The following BTRC variants were observed in gnomAD, a reference collection of about 807,000 sequenced individuals.
BTRC encodes the protein F-box/WD repeat-containing protein 1A.
Under a neutral mutation model 85.5 loss-of-function variants are expected in BTRC, and 42 were observed. The ratio of observed to expected loss-of-function variants is 0.49; its 90% CI spans 0.38 to 0.64. The LOEUF is 0.64. Among genes scored for constraint, BTRC ranks in the 30% least tolerant of loss-of-function variants. The pLI, the probability that BTRC is intolerant of heterozygous loss-of-function variation, is 0.00. For missense variants in BTRC, 594 were observed against 743.5 expected, an observed-to-expected ratio of 0.80 and a Z score of 2.34; for synonymous variants, 255 against 263.3, an observed-to-expected ratio of 0.97 and a Z score of 0.30.
chr10:101,375,271 C>G (rs920053838), intron 1 of BTRC, among the ~76,000 whole-genome samples: 2 of 151,968 alleles, frequency 1.3e-5, no homozygotes, highest in African/African-American at 2.4e-5. Flanking sequence ...TCTCTGCCCC[C>G]CTCTCTTCCC....
chr10:101,505,640 AT>A lies in BTRC; in HGVS notation c.325-15998del, dbSNP rs1258288772. Among the ~76,000 whole-genome samples the A allele has an allele frequency of 1.1e-3, 85 of 75,340 alleles. 1 individual carries two copies. Among genetic ancestry groups the A allele is most frequent in the South Asian group, 6.0e-3 (17 of 2,820 alleles). The allele number at this position is 75,340 out of a possible 152,430, so 49.4% of individuals were successfully genotyped here. A position where few individuals can be genotyped will look rare whatever the true frequency, so the allele number is the denominator to read the frequency against. ...GTCTCAAAAAAATAAAAAAAAAAAA[AT>A]AATAATAAAAAAACAAATATACCCA... is the stretch of plus-strand genomic sequence containing the variant. On this transcript the variant is annotated intron_variant, in intron 4 of 14. Transcript: ENST00000370187.
intron 4 of BTRC, among the ~76,000 whole-genome samples, chr10:101,498,639 T>A (rs1234349937): frequency 1.3e-5 from 2 of 152,176 alleles, no homozygotes; most frequent in Non-Finnish European, 2.9e-5. Context: ...GTTTTAAAGT[T>A]TAGTGGGCAC....
chr10:101,448,727 T>C (rs1188439291), intron 2 of BTRC, among the ~76,000 whole-genome samples: 3 of 152,034 alleles, frequency 2.0e-5, no homozygotes, highest in African/African-American at 7.2e-5. Flanking sequence ...AAGTTACAGA[T>C]TAAACTCAAG....
At chr10:101,355,128 A>T (rs561600702) in intron 1 of BTRC, among the ~76,000 whole-genome samples, 1 of 152,350 alleles carries the variant, frequency 6.6e-6, no homozygotes, top group African/African-American at 2.4e-5. Context: ...AAATTGTGGG[A>T]CGGTAAAATG....
At chr10:101,454,077 T>C (rs1589488459) in intron 2 of BTRC, among the ~76,000 whole-genome samples, 1 of 152,232 alleles carries the variant, frequency 6.6e-6, no homozygotes, top group Non-Finnish European at 1.5e-5. Flanking sequence ...AGGACTGCAG[T>C]TGGGCTGCCA....
chr10:101,427,845 A>G (rs1944301389), intron 1 of BTRC, among the ~76,000 whole-genome samples: 1 of 152,158 alleles, frequency 6.6e-6, no homozygotes, highest in African/African-American at 2.4e-5. Context: ...AGTGTCTACT[A>G]CCAGAACAGC....
intron 1 of BTRC, among the ~76,000 whole-genome samples, chr10:101,418,912 T>C (rs931285777): frequency 4.6e-5 from 7 of 152,148 alleles, no homozygotes; most frequent in Non-Finnish European, 2.9e-5. Context: ...GTTGTTTTCA[T>C]ATACATATTC....
chr10:101,357,121 T>TC (rs760377787), intron 1 of BTRC, among the ~76,000 whole-genome samples: 2 of 148,082 alleles, frequency 1.4e-5, no homozygotes, highest in Non-Finnish European at 3.0e-5. Context: ...AGAGCAAGAC[T>TC]CCGTCTCAAA....
chr10:101,474,683 T>C (rs1224164578), intron 3 of BTRC, among the ~76,000 whole-genome samples: 1 of 152,234 alleles, frequency 6.6e-6, no homozygotes, highest in Non-Finnish European at 1.5e-5. Flanking sequence ...TCACTTGATA[T>C]CTCAAGCCAA....
At chr10:101,398,059 T>G (rs1157881829) in intron 1 of BTRC, among the ~76,000 whole-genome samples, 1 of 152,210 alleles carries the variant, frequency 6.6e-6, no homozygotes, top group Non-Finnish European at 1.5e-5. Flanking sequence ...GTTCAGCAGC[T>G]GGCTGCTTGC....
chr10:101,532,009 C>T (rs1047955909), intron 7 of BTRC, among the ~76,000 whole-genome samples: 1 of 152,156 alleles, frequency 6.6e-6, no homozygotes, highest in African/African-American at 2.4e-5. Flanking sequence ...TCACGTAGTT[C>T]GTAGCTTTTC....
At position 101,431,070 on chromosome 10, in the gene BTRC, C is replaced by CTTTTTTTTT. The variant is rs748703752; in HGVS notation, c.156+634_156+642dup. Among the ~76,000 whole-genome samples the CTTTTTTTTT allele has an allele frequency of 6.3e-4, 45 of 71,288 alleles. 2 individuals are homozygous for CTTTTTTTTT. The highest frequency in any genetic ancestry group is 2.2e-3 in the African/African-American group (38 of 17,466). 46.8% of individuals were successfully genotyped at this position (71,288 alleles called of 152,430 possible). Reference sequence around the variant, plus strand: ...CAGATTCCAGTTCCCCTCAGCCTTTCTTTTTTTTTTTTTTTTTTTTTTTTG... The same window carrying CTTTTTTTTT: ...CAGATTCCAGTTCCCCTCAGCCTTTCTTTTTTTTTTTTTTTTTTTTTTTTTTTTTTTTTG... On this transcript the variant is annotated intron_variant, in intron 2 of 14. Coordinates refer to ENST00000370187, the MANE Select transcript of BTRC (RefSeq NM_033637.4).
chr10:101,438,495 G>A (rs1386774831), intron 2 of BTRC, among the ~76,000 whole-genome samples: 1 of 135,962 alleles, frequency 7.4e-6, no homozygotes, highest in African/African-American at 2.8e-5. Context: ...ATGTTTTTAT[G>A]TCTCACACAT....
intron 3 of BTRC, among the ~76,000 whole-genome samples, chr10:101,465,500 C>CA (rs1385604068): frequency 6.6e-6 from 1 of 152,112 alleles, no homozygotes; most frequent in African/African-American, 2.4e-5. Context: ...CAGGGTGAAG[C>CA]AAAATTTGAA....
At chr10:101,458,930 A>G (rs1945149608) in intron 2 of BTRC, among the ~76,000 whole-genome samples, 2 of 152,152 alleles carry the variant, frequency 1.3e-5, no homozygotes, top group Non-Finnish European at 2.9e-5. Context: ...CCATCCTGTT[A>G]ACTTGTCAAA....
intron 1 of BTRC, among the ~76,000 whole-genome samples, chr10:101,394,305 A>G (rs1293303143): frequency 2.6e-5 from 4 of 152,238 alleles, no homozygotes; most frequent in Admixed American, 1.3e-4. Flanking sequence ...ATTGCCGATG[A>G]CTAATATAAT....
chr10:101,512,459 C>T (rs2061969300), intron 4 of BTRC, among the ~76,000 whole-genome samples: 2 of 152,350 alleles, frequency 1.3e-5, no homozygotes, highest in Non-Finnish European at 2.9e-5. Context: ...TCTCTACTTA[C>T]TATACCCTTC....
At chr10:101,365,601 G>T (rs980359663) in intron 1 of BTRC, among the ~76,000 whole-genome samples, 2 of 151,722 alleles carry the variant, frequency 1.3e-5, no homozygotes, top group African/African-American at 4.8e-5. Flanking sequence ...TCAGCTTCCT[G>T]AGTAGCTGGG....
intron 2 of BTRC, among the ~76,000 whole-genome samples, chr10:101,461,617 C>T (rs959908308): frequency 4.6e-5 from 7 of 152,114 alleles, no homozygotes; most frequent in Non-Finnish European, 8.8e-5. Context: ...CTACTATAAT[C>T]GAGAGAAGGT....
Sources: gnomAD v4.1 joint callset for allele counts (sites outside exome capture counted in the v4.1 genomes callset) on GRCh38, gnomAD v4.1.1 for gene constraint, MANE v1.5 for transcripts, NCBI Gene and HGNC (gene_info 2026-07-23, HGNC 2026-07-21) for gene names.